Variants in DIDO1 observed in about 807,000 individuals in gnomAD.
The protein encoded by DIDO1 is death-inducer obliterator 1.
DIDO1 carries 16 observed loss-of-function variants against 99.4 expected under a neutral mutation model. The ratio of observed to expected loss-of-function variants is 0.16; its 90% CI spans 0.11 to 0.24. The LOEUF (loss-of-function observed/expected upper bound fraction) is 0.24. Ranked by LOEUF, DIDO1 falls within the 10% of genes least tolerant of loss-of-function variation. The probability of loss-of-function intolerance (pLI) is 1.00; values close to 1 mark genes in which losing one functional copy is unlikely to be tolerated. For missense variants in DIDO1, 2,996 were observed against 3,014.0 expected (o/e 0.99, Z 0.14); for synonymous variants, 1,366 against 1,239.1 (o/e 1.10, Z -2.15).
At position 62,879,969 on chromosome 20, in the gene DIDO1, GC is replaced by G; in HGVS notation, c.5986del (p.Ala1996HisfsTer23). 1 of 1,610,058 alleles carries G rather than the reference GC, an allele frequency of 6.2e-7. No homozygotes were observed. The highest frequency in any genetic ancestry group is 8.5e-7 in the Non-Finnish European group (1 of 1,179,282). ...PLQFGGLRGS[A>X]PFSEKNEQTP... is the part of the protein sequence containing the mutation. ...CTGCTCATTTTTTTCAGAAAAGGGT[GC>G]GGACCCCCGTAGTCCACCAAACTGC... is the stretch of plus-strand genomic sequence containing the variant. On this transcript the variant is annotated frameshift_variant, in exon 16 of 16. Coordinates refer to ENST00000395343, the MANE Select transcript of DIDO1 (RefSeq NM_001193369.2). LOFTEE classifies it low-confidence loss of function (END_TRUNC). This position sits in a 1 kb window ranked among gnomAD's most constrained non-coding sequence, Gnocchi z 6.3.
chr20:62,901,896 A>T (rs144300507), intron 6 of DIDO1, among the ~76,000 whole-genome samples: 1 of 151,994 alleles, frequency 6.6e-6, no homozygotes, highest in East Asian at 1.9e-4. Flanking sequence ...CATTGGAGGA[A>T]TTGTAGCAGG....
At chr20:62,923,561 C>A (rs2065196662) in intron 1 of DIDO1, among the ~76,000 whole-genome samples, 1 of 152,180 alleles carries the variant, frequency 6.6e-6, no homozygotes, top group Non-Finnish European at 1.5e-5. Flanking sequence ...GACAAGCCGG[C>A]CAGGGCAGTG....
chr20:62,929,053 A>G (rs2065296177), upstream of DIDO1: 2 of 152,180 alleles, frequency 1.3e-5, no homozygotes, highest in Admixed American at 6.5e-5. Context: ...AAATAAAAAT[A>G]CTATGACAAA....
At chr20:62,889,373 G>A (rs1197197191) in intron 15 of DIDO1, 13 of 887,072 alleles carry the variant, frequency 1.5e-5, no homozygotes, top group Non-Finnish European at 1.6e-5. Flanking sequence ...CCCTACAACC[G>A]TGCTCACCTG....
intron 15 of DIDO1, chr20:62,887,633 G>A (rs2064317061): frequency 1.0e-6 from 1 of 985,530 alleles, no homozygotes; most frequent in Admixed American, 6.1e-5. Context: ...AAATGACGGG[G>A]GCTGGGCATG....
intron 12 of DIDO1, 63 bp downstream of exon 12, chr20:62,893,603 T>C (rs781339418): frequency 6.7e-7 from 1 of 1,490,794 alleles, no homozygotes; most frequent in Non-Finnish European, 9.0e-7. Context: ...TCACCAGTTA[T>C]CTTTCCTTTC....
intron 1 of DIDO1, among the ~76,000 whole-genome samples, chr20:62,916,581 T>C (rs1196584870): frequency 6.6e-6 from 1 of 152,236 alleles, no homozygotes; most frequent in Non-Finnish European, 1.5e-5. Context: ...AAGTTATTTC[T>C]AAAACAAACA....
upstream of DIDO1, among the ~76,000 whole-genome samples, chr20:62,931,065 C>A (rs1331949796): frequency 6.6e-6 from 1 of 152,164 alleles, no homozygotes; most frequent in Non-Finnish European, 1.5e-5. Flanking sequence ...CTCACCCTCC[C>A]GAGTAGCTGG....
intron 4 of DIDO1, among the ~76,000 whole-genome samples, chr20:62,907,580 G>A (rs1228876140): frequency 6.6e-6 from 1 of 152,250 alleles, no homozygotes; most frequent in Non-Finnish European, 1.5e-5. Flanking sequence ...CAGGGGGCAG[G>A]AGTGTGAGGA....
At chr20:62,901,709 C>T (rs764477264) in intron 6 of DIDO1, among the ~76,000 whole-genome samples, 4 of 151,622 alleles carry the variant, frequency 2.6e-5, no homozygotes, top group Admixed American at 6.6e-5. Flanking sequence ...TGAAAGTTGC[C>T]GCAACCTTCA....
intron 6 of DIDO1, among the ~76,000 whole-genome samples, chr20:62,902,178 C>T (rs1308300218): frequency 6.6e-6 from 1 of 152,196 alleles, no homozygotes; most frequent in Non-Finnish European, 1.5e-5. Context: ...CTTCACCGTG[C>T]AGGGTCACGG....
chr20:62,879,278 G>T lies in DIDO1; in HGVS notation c.6678C>A (p.Pro2226=), dbSNP rs376052879. ...KSKESARDPK[P]EASRASDAGT... ...CAGCGTCGGAGGCCCTCGAGGCCTC[G>T]GGCTTCGGGTCCCGAGCGCTCTCTT... Residue 2226 remains proline (P), a synonymous_variant, in exon 16 of 16, where the codon CCC becomes CCA. Transcript: ENST00000395343. The surrounding 1 kb of genome is among the most constrained non-coding windows in gnomAD (Gnocchi z 6.3). 26 of 1,573,544 alleles carry T rather than the reference G, an allele frequency of 1.7e-5. No homozygotes were observed. Among genetic ancestry groups the T allele is most frequent in the Non-Finnish European group, 2.1e-5 (24 of 1,163,070 alleles).
At position 62,922,880 on chromosome 20, in the gene DIDO1, G is replaced by T. The variant is rs553736481; in HGVS notation, c.-200+3559C>A. The stretch of plus-strand genomic sequence containing the variant: ...GGGAGTGCTTCACGATGACCCAGGA[G>T]AAATTAAGTAGGAAGTACACACTAA... On this transcript the variant is annotated intron_variant, in intron 1 of 15. Coordinates refer to ENST00000395343, the MANE Select transcript of DIDO1 (RefSeq NM_001193369.2). Among the ~76,000 whole-genome samples, 78 of 152,346 alleles carry T rather than the reference G, an allele frequency of 5.1e-4. 1 individual carries two copies. The highest frequency in any genetic ancestry group is 1.5e-3 in the African/African-American group (64 of 41,572).
intron 1 of DIDO1, among the ~76,000 whole-genome samples, chr20:62,936,072 C>G (rs532467211): frequency 6.6e-6 from 1 of 152,320 alleles, no homozygotes; most frequent in South Asian, 2.1e-4. Context: ...CGCCTTAAGG[C>G]GCTAGCACTC....
intron 1 of DIDO1, among the ~76,000 whole-genome samples, chr20:62,932,829 A>G (rs920997801): frequency 9.9e-5 from 15 of 152,246 alleles, no homozygotes; most frequent in African/African-American, 3.6e-4. Context: ...AAATCAGGCA[A>G]AAAGAGGGAG....
intron 6 of DIDO1, among the ~76,000 whole-genome samples, chr20:62,903,328 G>C (rs751938825): frequency 6.6e-6 from 1 of 152,216 alleles, no homozygotes; most frequent in Admixed American, 6.5e-5. Context: ...GGGAAGGACA[G>C]GAGGGTGCCT....
chr20:62,919,518 C>A (rs1371942768), intron 1 of DIDO1, among the ~76,000 whole-genome samples: 2 of 150,804 alleles, frequency 1.3e-5, no homozygotes, highest in Non-Finnish European at 3.0e-5. Context: ...CCAGCCTGGG[C>A]AACAAGAGCA....
intron 1 of DIDO1, among the ~76,000 whole-genome samples, chr20:62,931,837 GAAAACACTTTA>G (rs1330748631): frequency 6.6e-6 from 1 of 152,180 alleles, no homozygotes; most frequent in Non-Finnish European, 1.5e-5. Flanking sequence ...TTTCTTAAAT[GAAAACACTTTA>G]AGAAGTGAAA....
At chr20:62,912,828 T>C (rs1391878999) in intron 2 of DIDO1, among the ~76,000 whole-genome samples, 1 of 152,192 alleles carries the variant, frequency 6.6e-6, no homozygotes, top group Admixed American at 6.5e-5. Context: ...GGTTAGGAGT[T>C]CGAGACCAGC....
Sources: allele counts gnomAD v4.1 joint callset (sites outside exome capture counted in the v4.1 genomes callset), GRCh38; gene constraint gnomAD v4.1.1; non-coding constraint Gnocchi (gnomAD v3.1); transcripts MANE v1.5; gene names NCBI Gene and HGNC (gene_info 2026-07-23, HGNC 2026-07-21).